COG6: variants seen among roughly 807,000 people sequenced by gnomAD.
COG6 encodes the protein conserved oligomeric Golgi complex subunit 6.
A neutral mutation model predicts 88.8 loss-of-function variants in COG6; 74 were observed. The ratio of observed to expected loss-of-function variants is 0.83; its 90% confidence interval spans 0.69 to 1.01. The LOEUF is 1.01. Among genes scored for constraint, COG6 ranks in the 50% least tolerant of loss-of-function variants. COG6 has a pLI of 0.00. For synonymous variants in COG6, 286 were observed against 278.7 expected, an observed-to-expected ratio of 1.03 and a Z score of -0.26; for missense variants, 800 against 797.9, an observed-to-expected ratio of 1.00 and a Z score of -0.03.
intron 18 of COG6, among the ~76,000 whole-genome samples, chr13:39,741,637 C>G (rs1363246548): frequency 6.6e-6 from 1 of 152,040 alleles, no homozygotes; most frequent in African/African-American, 2.4e-5. Flanking sequence ...ATTGGTGTAC[C>G]TGAAAGTGAC....
At chr13:39,712,199 G>C (rs1172856438) in intron 13 of COG6, among the ~76,000 whole-genome samples, 1 of 151,982 alleles carries the variant, frequency 6.6e-6, no homozygotes, top group Non-Finnish European at 1.5e-5. Context: ...TATTATTGGG[G>C]CTTAATAAAA....
At chr13:39,667,771 CA>C (rs1281285262) in intron 4 of COG6, among the ~76,000 whole-genome samples, 4 of 151,902 alleles carry the variant, frequency 2.6e-5, no homozygotes, top group Admixed American at 6.5e-5. Flanking sequence ...TAAAGGGTCT[CA>C]AAAAATGATG....
intron 18 of COG6, among the ~76,000 whole-genome samples, chr13:39,763,796 T>C (rs931763579): frequency 1.3e-5 from 2 of 151,776 alleles, no homozygotes; most frequent in African/African-American, 4.8e-5. Flanking sequence ...TTTTTATATA[T>C]CTTTTTATTT....
At chr13:39,770,595 G>A (rs1012760578) in intron 18 of COG6, among the ~76,000 whole-genome samples, 17 of 152,142 alleles carry the variant, frequency 1.1e-4, no homozygotes, top group African/African-American at 2.9e-4. Flanking sequence ...CGTGTTTATC[G>A]TGTTTATTCA....
At chr13:39,673,463 G>C (rs1348773849) in intron 4 of COG6, among the ~76,000 whole-genome samples, 1 of 151,798 alleles carries the variant, frequency 6.6e-6, no homozygotes, top group African/African-American at 2.4e-5. Flanking sequence ...CTTTCAGTTT[G>C]ATACTTTATA....
chr13:39,689,666 A>T, intron 10 of COG6, 94 bp from the exon 11 acceptor site: 2 of 747,644 alleles, frequency 2.7e-6, no homozygotes, highest in Non-Finnish European at 2.3e-6. Flanking sequence ...GCCATTAATT[A>T]TATGTATTAT....
downstream of COG6, among the ~76,000 whole-genome samples, chr13:39,756,285 C>G (rs1215208947): frequency 6.6e-6 from 1 of 151,628 alleles, no homozygotes; most frequent in East Asian, 1.9e-4. Flanking sequence ...CAATTTTGAG[C>G]AGGCAGGAGA....
intron 15 of COG6, among the ~76,000 whole-genome samples, chr13:39,723,036 C>T (rs1878932896): frequency 6.6e-6 from 1 of 152,044 alleles, no homozygotes; most frequent in Non-Finnish European, 1.5e-5. Context: ...TTATTTTATA[C>T]TGTTGTTGTT....
chr13:39,790,024 T>A (rs1460217541), exon 19 of COG6: 1 of 152,216 alleles, frequency 6.6e-6, no homozygotes, highest in Non-Finnish European at 1.5e-5. Flanking sequence ...TAGGGTTCCA[T>A]TGCTATTTTT....
chr13:39,713,538 A>C (rs1198580472), intron 13 of COG6, among the ~76,000 whole-genome samples: 3 of 152,276 alleles, frequency 2.0e-5, no homozygotes, highest in Non-Finnish European at 2.9e-5. Context: ...GATCAAAACC[A>C]TCCTGGCTAA....
chr13:39,756,187 A>G (rs1311454732), downstream of COG6, among the ~76,000 whole-genome samples: 1 of 152,146 alleles, frequency 6.6e-6, no homozygotes, highest in African/African-American at 2.4e-5. Context: ...TTAAAAGTTT[A>G]AAGTTACACT....
At chr13:39,737,587 C>A (rs1018591540) in intron 18 of COG6, among the ~76,000 whole-genome samples, 2 of 150,732 alleles carry the variant, frequency 1.3e-5, no homozygotes, top group Non-Finnish European at 3.0e-5. Context: ...AGGAGTCTTA[C>A]CCGGAGCTAC....
chr13:39,684,243 ATTTTTTTT>A lies in COG6; in HGVS notation c.788+1997_788+2004del, dbSNP rs1203671335. Among the ~76,000 whole-genome samples the A allele has an allele frequency of 2.8e-4, 19 of 67,388 alleles. 1 individual carries two copies. The East Asian group carries it at 6.6e-3, about 23-fold the overall frequency. 44.2% of individuals were successfully genotyped at this position (67,388 alleles called of 152,430 possible). On this transcript the variant is annotated intron_variant, in intron 8 of 18. Coordinates refer to ENST00000455146, the MANE Select transcript of COG6 (RefSeq NM_020751.3). ...GGGGGCAGTAATGGCAATTTGGAAG[ATTTTTTTT>A]TTTTTTTTTTTTTTTTTGAGACGGA...
At chr13:39,680,103 A>G in intron 7 of COG6, 58 bp downstream of exon 7, 1 of 984,304 alleles carries the variant, frequency 1.0e-6, no homozygotes, top group East Asian at 2.4e-5. Flanking sequence ...GTTTTTTAAA[A>G]TTTTACTTGG....
At chr13:39,729,355 A>C (rs1879312795) in intron 18 of COG6, among the ~76,000 whole-genome samples, 1 of 152,234 alleles carries the variant, frequency 6.6e-6, no homozygotes, top group African/African-American at 2.4e-5. Context: ...CCTGCTGCCA[A>C]AACCACTGGG....
intron 18 of COG6, among the ~76,000 whole-genome samples, chr13:39,740,260 T>C (rs1230321781): frequency 6.6e-6 from 1 of 152,152 alleles, no homozygotes; most frequent in African/African-American, 2.4e-5. Flanking sequence ...CTTCTGAACA[T>C]CTCCATAATT....
intron 18 of COG6, among the ~76,000 whole-genome samples, chr13:39,761,871 A>T (rs1219557311): frequency 6.6e-6 from 1 of 151,840 alleles, no homozygotes; most frequent in Non-Finnish European, 1.5e-5. Context: ...GAGAAAAAAT[A>T]ACAAATGTTG....
At chr13:39,766,129 C>T (rs1300368462) in intron 18 of COG6, among the ~76,000 whole-genome samples, 1 of 152,186 alleles carries the variant, frequency 6.6e-6, no homozygotes, top group Non-Finnish European at 1.5e-5. Flanking sequence ...CCCTTCTCGC[C>T]CATCTGCCCC....
chr13:39,699,057 A>G (rs946463920), intron 12 of COG6, among the ~76,000 whole-genome samples: 1 of 151,878 alleles, frequency 6.6e-6, no homozygotes, highest in African/African-American at 2.4e-5. Flanking sequence ...TGTTATTGAT[A>G]TAGTATAACA....
Sources: allele counts gnomAD v4.1 joint callset (sites outside exome capture counted in the v4.1 genomes callset), GRCh38; gene constraint gnomAD v4.1.1; transcripts MANE v1.5; gene names NCBI Gene and HGNC (gene_info 2026-07-23, HGNC 2026-07-21).